LRP1B: variants seen among roughly 807,000 people sequenced by gnomAD.
LRP1B encodes LDL receptor related protein 1B.
Under a neutral mutation model 556.6 loss-of-function variants are expected in LRP1B, and 217 were observed. The ratio of observed to expected loss-of-function variants is 0.39; its 90% CI spans 0.35 to 0.44. LRP1B has a LOEUF of 0.44. LRP1B is among the 20% of genes least tolerant of loss of function. The pLI is 1.00. For synonymous variants in LRP1B, 2,047 were observed against 1,865.8 expected (o/e 1.10, Z -2.50); for missense variants, 5,053 against 5,620.8 (o/e 0.90, Z 3.23).
At chr2:140,390,277 T>C (rs983790448) in intron 66 of LRP1B, among the ~76,000 whole-genome samples, 17 of 152,166 alleles carry the variant, frequency 1.1e-4, no homozygotes, top group Non-Finnish European at 2.4e-4. Flanking sequence ...GAATGTACTA[T>C]TGGACAAAAT....
intron 35 of LRP1B, among the ~76,000 whole-genome samples, chr2:140,717,619 AG>A (rs1370689642): frequency 6.6e-6 from 1 of 152,152 alleles, no homozygotes. Flanking sequence ...CACAGCCACC[AG>A]AAAGACACTG....
intron 23 of LRP1B, among the ~76,000 whole-genome samples, chr2:140,892,120 A>G (rs1223262082): frequency 6.6e-6 from 1 of 152,168 alleles, no homozygotes; most frequent in Admixed American, 6.6e-5. Flanking sequence ...GATTGCATAA[A>G]TGAATAAATA....
intron 3 of LRP1B, among the ~76,000 whole-genome samples, chr2:141,268,017 C>T (rs1248004026): frequency 2.6e-5 from 4 of 152,070 alleles, no homozygotes; most frequent in East Asian, 3.9e-4. Flanking sequence ...CATTTTTCCC[C>T]TCATGGGACA....
Position 140,672,255 on chromosome 2 carries a change from A to AGGC in LRP1B, c.6799+27992_6799+27994dup, listed in dbSNP as rs531311965. 5.9e-5 allele frequency among the ~76,000 whole-genome samples: 9 copies of AGGC among 152,246 alleles called. No homozygotes were observed. In the South Asian group the frequency reaches 6.2e-4, roughly 11 times the overall value. On this transcript the variant is annotated intron_variant, in intron 41 of 90. Transcript: ENST00000389484. ...GTAATCCCAGCACTTTGGGAGGCCA[A>AGGC]GGCGGCGGGTCACAAGGTCAGGAGT... is the stretch of plus-strand genomic sequence containing the variant.
intron 2 of LRP1B, among the ~76,000 whole-genome samples, chr2:141,643,143 T>A (rs1689409234): frequency 6.6e-6 from 1 of 152,210 alleles, no homozygotes. Context: ...AGTCTATTTC[T>A]AATGTCTACC....
chr2:140,635,717 G>T (rs1684049798), intron 41 of LRP1B, among the ~76,000 whole-genome samples: 1 of 151,906 alleles, frequency 6.6e-6, no homozygotes, highest in Admixed American at 6.6e-5. Flanking sequence ...CTTTTGTTGG[G>T]CTACTTACTA....
chr2:141,719,671 C>T (rs1338027007), intron 2 of LRP1B, among the ~76,000 whole-genome samples: 1 of 151,852 alleles, frequency 6.6e-6, no homozygotes, highest in Non-Finnish European at 1.5e-5. Context: ...GTACATATAC[C>T]CCATGGAATA....
chr2:141,897,896 G>A (rs564296705), intron 1 of LRP1B, among the ~76,000 whole-genome samples: 108 of 152,116 alleles, frequency 7.1e-4, no homozygotes, highest in Admixed American at 5.4e-3. Flanking sequence ...ACACACACGT[G>A]CACACACTTA....
At chr2:141,577,023 A>T (rs543358461) in intron 2 of LRP1B, among the ~76,000 whole-genome samples, 157 of 152,212 alleles carry the variant, frequency 1.0e-3, no homozygotes, top group African/African-American at 3.6e-3. Flanking sequence ...TTTTCCAATT[A>T]AAGGTGTAAG....
chr2:141,280,886 C>A (rs974871149), intron 3 of LRP1B, among the ~76,000 whole-genome samples: 2 of 151,864 alleles, frequency 1.3e-5, no homozygotes, highest in African/African-American at 2.4e-5. Flanking sequence ...AAAGGTGCAG[C>A]CCATATTTGT....
chr2:141,259,477 G>A (rs1684606643), intron 3 of LRP1B, among the ~76,000 whole-genome samples: 1 of 152,284 alleles, frequency 6.6e-6, no homozygotes, highest in Non-Finnish European at 1.5e-5. Flanking sequence ...ATTGGTGTGT[G>A]CCACTCCTTG....
intron 1 of LRP1B, among the ~76,000 whole-genome samples, chr2:141,943,793 G>C (rs1286861212): frequency 2.0e-5 from 3 of 152,040 alleles, no homozygotes; most frequent in Admixed American, 2.0e-4. Flanking sequence ...CCATCTTCCT[G>C]TCCCAGCATC....
chr2:140,577,481 A>G (rs1484543848), intron 43 of LRP1B, among the ~76,000 whole-genome samples: 9 of 151,540 alleles, frequency 5.9e-5, no homozygotes, highest in Non-Finnish European at 1.0e-4. Context: ...CAGTGGTGCA[A>G]TTATGGCTCA....
intron 37 of LRP1B, among the ~76,000 whole-genome samples, chr2:140,706,543 A>T (rs1021236518): frequency 6.6e-6 from 1 of 152,176 alleles, no homozygotes; most frequent in Non-Finnish European, 1.5e-5. Context: ...GAATTATAGA[A>T]ATTTTATCAG....
At chr2:140,821,112 CTCAT>C (rs946559391) in intron 31 of LRP1B, among the ~76,000 whole-genome samples, 5 of 152,026 alleles carry the variant, frequency 3.3e-5, no homozygotes, top group Non-Finnish European at 1.5e-5. Flanking sequence ...TACTAAAAAT[CTCAT>C]TCAAATGGCT....
At chr2:140,438,513 G>A (rs1395546744) in intron 66 of LRP1B, among the ~76,000 whole-genome samples, 1 of 152,098 alleles carries the variant, frequency 6.6e-6, no homozygotes, top group Non-Finnish European at 1.5e-5. Context: ...TGAGTAGTCT[G>A]TTTCAAATTT....
At chr2:140,597,932 G>A (rs1682508040) in intron 43 of LRP1B, among the ~76,000 whole-genome samples, 1 of 152,094 alleles carries the variant, frequency 6.6e-6, no homozygotes, top group African/African-American at 2.4e-5. Context: ...TTGTCCTTCA[G>A]GCCTGTACAG....
intron 2 of LRP1B, among the ~76,000 whole-genome samples, chr2:141,704,817 T>A (rs75969805): frequency 0.035 from 5,297 of 152,068 alleles, 131 homozygotes; most frequent in Non-Finnish European, 0.049. Flanking sequence ...TGACTATATC[T>A]CTATTTCAGG....
chr2:140,273,905 T>C (rs1682566704), intron 85 of LRP1B, among the ~76,000 whole-genome samples: 1 of 152,020 alleles, frequency 6.6e-6, no homozygotes, highest in African/African-American at 2.4e-5. Flanking sequence ...GTTTTACTTA[T>C]TTCCCAGAAC....
Sources: allele counts gnomAD v4.1 joint callset (sites outside exome capture counted in the v4.1 genomes callset), GRCh38; gene constraint gnomAD v4.1.1; transcripts MANE v1.5; gene names NCBI Gene and HGNC (gene_info 2026-07-23, HGNC 2026-07-21).